The following ARHGAP24 variants were observed in gnomAD, a reference collection of about 807,000 sequenced individuals.
The protein encoded by ARHGAP24 is rho GTPase-activating protein 24.
ARHGAP24 carries 50 observed loss-of-function variants against 76.4 expected under a neutral mutation model. The observed-to-expected ratio is 0.65, with a 90% confidence interval of 0.52 to 0.83. The LOEUF (loss-of-function observed/expected upper bound fraction) is 0.83, where lower values mean the gene tolerates loss of function less well. Ranked by LOEUF, ARHGAP24 falls within the 40% of genes least tolerant of loss-of-function variation. ARHGAP24 has a pLI of 0.00. For synonymous variants in ARHGAP24, 345 were observed against 323.3 expected (o/e 1.07, Z -0.72); for missense variants, 930 against 914.2 (o/e 1.02, Z -0.22).
At chr4:85,664,628 C>G (rs1043157035) in intron 2 of ARHGAP24, among the ~76,000 whole-genome samples, 43 of 150,184 alleles carry the variant, frequency 2.9e-4, no homozygotes, top group African/African-American at 1.0e-3. Context: ...TGGATCTTTC[C>G]TGCTTTCTCT....
chr4:85,523,267 A>T (rs1160407984), intron 1 of ARHGAP24, among the ~76,000 whole-genome samples: 1 of 152,164 alleles, frequency 6.6e-6, no homozygotes, highest in African/African-American at 2.4e-5. Flanking sequence ...ATAAATTGTC[A>T]CTTAAATTTT....
At chr4:85,878,223 A>G (rs1194952531) in intron 3 of ARHGAP24, among the ~76,000 whole-genome samples, 1 of 152,136 alleles carries the variant, frequency 6.6e-6, no homozygotes, top group African/African-American at 2.4e-5. Flanking sequence ...ATAGATATGT[A>G]TATGTGTTTT....
chr4:85,475,629 G>C (rs1255052436), intron 1 of ARHGAP24, 70 bp downstream of exon 1: 1 of 51,598 alleles, frequency 1.9e-5, no homozygotes, highest in African/African-American at 5.3e-5. Context: ...GCCTGCGCCA[G>C]GGGAGGGGGC....
At position 85,914,452 on chromosome 4, in the gene ARHGAP24, G is replaced by A. The variant is rs145950259; in HGVS notation, c.269-9196G>A. ...GAATTCCCATTTCTAACAAGTTTCCGGGTGCTGCCGAGGTTATTTGCTGTC... is the reference window on the plus strand; with the variant it reads ...GAATTCCCATTTCTAACAAGTTTCCAGGTGCTGCCGAGGTTATTTGCTGTC... On this transcript the variant is annotated intron_variant, in intron 3 of 9. Coordinates refer to ENST00000395184, the MANE Select transcript of ARHGAP24 (RefSeq NM_001025616.3). Among the ~76,000 whole-genome samples the A allele has an allele frequency of 2.9e-3, 441 of 152,244 alleles. 1 individual carries two copies. The highest frequency in any genetic ancestry group is 9.9e-3 in the African/African-American group (411 of 41,540).
chr4:85,738,220 G>A (rs1418840301), intron 3 of ARHGAP24, among the ~76,000 whole-genome samples: 1 of 152,034 alleles, frequency 6.6e-6, no homozygotes, highest in Non-Finnish European at 1.5e-5. Context: ...ACTCTATTGG[G>A]TAGGAAGTGG....
rs779375782 is a variant in ARHGAP24, at chr4:85,796,220, T to TCA, written c.268+74257_268+74258dup. On this transcript the variant is annotated intron_variant, in intron 3 of 9. Coordinates refer to ENST00000395184, the MANE Select transcript of ARHGAP24 (RefSeq NM_001025616.3). The stretch of plus-strand genomic sequence containing the variant: ...ATACCTACTACACACACACACACAC[T>TCA]CACACACACATATATACAATTTAGA... Among the ~76,000 whole-genome samples, 541 of 123,788 alleles carry TCA rather than the reference T, an allele frequency of 4.4e-3. 3 individuals carry two copies. The highest frequency in any genetic ancestry group is 0.013 in the Admixed American group (151 of 12,070). 81.2% of individuals were successfully genotyped at this position (123,788 alleles called of 152,430 possible). A position where few individuals can be genotyped will look rare whatever the true frequency, so the allele number is the denominator to read the frequency against.
intron 2 of ARHGAP24, among the ~76,000 whole-genome samples, chr4:85,627,953 C>T (rs538044593): frequency 1.3e-5 from 2 of 152,214 alleles, no homozygotes; most frequent in South Asian, 2.1e-4. Flanking sequence ...GGGAGTGACC[C>T]GATTTTCCAG....
intron 3 of ARHGAP24, among the ~76,000 whole-genome samples, chr4:85,805,773 G>A (rs1401727671): frequency 1.3e-5 from 2 of 152,152 alleles, no homozygotes; most frequent in Non-Finnish European, 2.9e-5. Flanking sequence ...CACAAAGAAT[G>A]ATGTTGATCA....
At chr4:85,640,840 G>A (rs1304679389) in intron 2 of ARHGAP24, among the ~76,000 whole-genome samples, 1 of 152,092 alleles carries the variant, frequency 6.6e-6, no homozygotes, top group Admixed American at 6.5e-5. Context: ...AGGCCATAGA[G>A]TAACTTATGT....
intron 2 of ARHGAP24, among the ~76,000 whole-genome samples, chr4:85,700,116 C>G (rs978556320): frequency 6.6e-6 from 1 of 152,030 alleles, no homozygotes; most frequent in African/African-American, 2.4e-5. Context: ...AGAGCTGAGC[C>G]GGGCATGGTG....
intron 9 of ARHGAP24, among the ~76,000 whole-genome samples, chr4:85,996,185 A>G (rs188569792): frequency 2.0e-5 from 3 of 152,350 alleles, no homozygotes; most frequent in Admixed American, 1.3e-4. Context: ...GAGAGAGGCC[A>G]TAAGAGCCAG....
At chr4:85,832,946 A>G (rs982824776) in intron 3 of ARHGAP24, among the ~76,000 whole-genome samples, 6 of 152,212 alleles carry the variant, frequency 3.9e-5, no homozygotes, top group Non-Finnish European at 8.8e-5. Flanking sequence ...CTTTCTCTGT[A>G]CCATCTACCC....
rs753097012 is a variant in ARHGAP24, at chr4:85,994,817, A to G, written c.1163A>G (p.Asn388Ser). 1 of 1,614,172 alleles carries G rather than the reference A, an allele frequency of 6.2e-7. No homozygotes were observed. Among genetic ancestry groups the G allele is most frequent in the Non-Finnish European group, 8.5e-7 (1 of 1,180,024 alleles). The change falls in exon 9 of 10, where the codon AAC becomes AGC. Residue 388 changes from asparagine (N) to serine (S), a missense_variant. Asn to Ser is a conservative substitution (Grantham distance 46). Transcript: ENST00000395184. ...KSESPQRSSMNNGSPTALSGS... is the reference protein window; with the variant it reads ...KSESPQRSSMSNGSPTALSGS... ...GAGTCACCCCAGAGAAGCAGCATGA[A>G]CAATGGATCCCCCACAGCTCTATCA...
chr4:85,733,060 CTTTTTT>C (rs1210109366), intron 3 of ARHGAP24, among the ~76,000 whole-genome samples: 5 of 55,216 alleles, frequency 9.1e-5, no homozygotes, highest in Admixed American at 3.9e-4. Flanking sequence ...GCCTCACCAA[CTTTTTT>C]TTTTTTTTTT....
chr4:85,517,498 A>G (rs1724555831), intron 1 of ARHGAP24, among the ~76,000 whole-genome samples: 1 of 152,214 alleles, frequency 6.6e-6, no homozygotes, highest in Non-Finnish European at 1.5e-5. Context: ...AATTATTAAT[A>G]GCCTAAAAGC....
intron 2 of ARHGAP24, among the ~76,000 whole-genome samples, chr4:85,574,870 C>T (rs1301303741): frequency 6.6e-6 from 1 of 152,156 alleles, no homozygotes; most frequent in Non-Finnish European, 1.5e-5. Flanking sequence ...TCAACTTGCA[C>T]CTTGCCTTCC....
At chr4:85,849,859 A>AT (rs1180310907) in intron 3 of ARHGAP24, among the ~76,000 whole-genome samples, 1 of 152,102 alleles carries the variant, frequency 6.6e-6, no homozygotes, top group Admixed American at 6.5e-5. Context: ...CCAGTATTTT[A>AT]TGGAGGATTT....
intron 1 of ARHGAP24, among the ~76,000 whole-genome samples, chr4:85,478,708 G>C (rs972443484): frequency 1.3e-5 from 2 of 151,926 alleles, no homozygotes; most frequent in East Asian, 3.9e-4. Context: ...TCTCCTCACT[G>C]TTCAGGCTTC....
intron 2 of ARHGAP24, among the ~76,000 whole-genome samples, chr4:85,624,165 C>A (rs941295700): frequency 3.9e-5 from 6 of 152,054 alleles, no homozygotes; most frequent in African/African-American, 7.2e-5. Flanking sequence ...GTCTTGTGCC[C>A]GTTTTCAAAG....
Sources: allele counts gnomAD v4.1 joint callset (sites outside exome capture counted in the v4.1 genomes callset), GRCh38; gene constraint gnomAD v4.1.1; transcripts MANE v1.5; gene names NCBI Gene and HGNC (gene_info 2026-07-23, HGNC 2026-07-21).